Variants in ELMO1 observed in about 807,000 individuals in gnomAD.
The protein encoded by ELMO1 is engulfment and cell motility protein 1.
A neutral mutation model predicts 98.9 loss-of-function variants in ELMO1; 26 were observed. The ratio of observed to expected loss-of-function variants is 0.26; its 90% CI spans 0.19 to 0.36. ELMO1 has a LOEUF of 0.36. Among genes scored for constraint, ELMO1 ranks in the 10% least tolerant of loss-of-function variants. ELMO1 has a pLI of 1.00. For synonymous variants in ELMO1, 346 were observed against 346.0 expected (o/e 1.00, Z 0.00); for missense variants, 627 against 935.2 (o/e 0.67, Z 4.30).
chr7:37,306,989 T>A (rs892936250), intron 4 of ELMO1, among the ~76,000 whole-genome samples: 3 of 152,324 alleles, frequency 2.0e-5, no homozygotes, highest in African/African-American at 7.2e-5. Flanking sequence ...ATTACCCCAA[T>A]GACTGGAATT....
At chr7:37,355,310 G>C (rs1356901747) in intron 1 of ELMO1, among the ~76,000 whole-genome samples, 1 of 152,186 alleles carries the variant, frequency 6.6e-6, no homozygotes, top group Non-Finnish European at 1.5e-5. Context: ...TATCTATAAA[G>C]CAATTAGAGT....
intron 1 of ELMO1, among the ~76,000 whole-genome samples, chr7:37,399,846 C>A (rs544009298): frequency 3.3e-5 from 5 of 152,178 alleles, no homozygotes; most frequent in African/African-American, 1.2e-4. Flanking sequence ...GCTCCACACA[C>A]GGCATAAACC....
At position 37,323,837 on chromosome 7, in the gene ELMO1, C is replaced by T. The variant is rs779392324; in HGVS notation, c.79-7877G>A. Among the ~76,000 whole-genome samples the T allele has an allele frequency of 1.6e-4, 25 of 152,120 alleles. 1 individual carries two copies. Among genetic ancestry groups the T allele is most frequent in the Admixed American group, 1.3e-4 (2 of 15,260 alleles). Reference sequence around the variant, plus strand: ...GTCTTCTAGGTTTAGTCCTGCATAACCCATTATGCGGATCCATGGATCACA... The same window carrying T: ...GTCTTCTAGGTTTAGTCCTGCATAATCCATTATGCGGATCCATGGATCACA... On this transcript the variant is annotated intron_variant, in intron 2 of 21. Coordinates refer to ENST00000310758, the MANE Select transcript of ELMO1 (RefSeq NM_014800.11).
intron 14 of ELMO1, 80 bp from the exon 15 acceptor site, chr7:37,096,807 T>C (rs1039186550): frequency 1.6e-6 from 2 of 1,263,732 alleles, no homozygotes; most frequent in East Asian, 2.3e-5. Flanking sequence ...TTCCAATAGA[T>C]GAATACATAG....
intron 4 of ELMO1, among the ~76,000 whole-genome samples, chr7:37,289,824 T>G (rs1797584307): frequency 6.6e-6 from 1 of 152,018 alleles, no homozygotes; most frequent in Admixed American, 6.6e-5. Context: ...TCTGGAGGAG[T>G]TAGTAGGGAT....
At chr7:37,126,217 G>C (rs563401818) in intron 14 of ELMO1, among the ~76,000 whole-genome samples, 3 of 149,944 alleles carry the variant, frequency 2.0e-5, no homozygotes, top group African/African-American at 7.3e-5. Context: ...TAATGGGTGC[G>C]GCACACCAAC....
rs1802159000 is a variant in ELMO1 at position 36,855,848 on chromosome 7, G to A, written c.1984-97C>T. ...ACAGTGAATACTCATCCCTCAGTAGGCTGTGCGCTAAGGGCTCTGCCTACT... is the reference window on the plus strand; with the variant it reads ...ACAGTGAATACTCATCCCTCAGTAGACTGTGCGCTAAGGGCTCTGCCTACT... On this transcript the variant is annotated intron_variant, in intron 21 of 21. Coordinates refer to ENST00000310758, the MANE Select transcript of ELMO1 (RefSeq NM_014800.11). This position sits in a 1 kb window ranked among gnomAD's most constrained non-coding sequence, Gnocchi z 4.2. 1 of 1,400,118 alleles carries A rather than the reference G, an allele frequency of 7.1e-7. No individual in the cohort carries two copies. The highest frequency in any genetic ancestry group is 1.4e-5 in the African/African-American group (1 of 70,572). 86.7% of individuals were successfully genotyped at this position (1,400,118 alleles called of 1,614,324 possible).
chr7:37,390,017 A>G (rs1169228145), intron 1 of ELMO1, among the ~76,000 whole-genome samples: 1 of 152,152 alleles, frequency 6.6e-6, no homozygotes, highest in Non-Finnish European at 1.5e-5. Flanking sequence ...TCCCCTGAGA[A>G]GTCACCCATG....
intron 4 of ELMO1, among the ~76,000 whole-genome samples, chr7:37,313,904 C>T (rs772818202): frequency 5.3e-5 from 8 of 152,166 alleles, no homozygotes; most frequent in African/African-American, 9.7e-5. Flanking sequence ...GCACTGGCCA[C>T]CTTGTTATAA....
chr7:36,889,692 A>G (rs76580437), intron 17 of ELMO1, among the ~76,000 whole-genome samples: 1,763 of 152,346 alleles, frequency 0.012, 31 homozygotes, highest in East Asian at 0.078. Flanking sequence ...ATCTTAACTG[A>G]TGCTTTATGA....
chr7:37,143,391 C>A (rs930915499), intron 13 of ELMO1, among the ~76,000 whole-genome samples: 1 of 152,130 alleles, frequency 6.6e-6, no homozygotes, highest in African/African-American at 2.4e-5. Flanking sequence ...GCAGAGTGGG[C>A]CTGAGATCCA....
intron 7 of ELMO1, among the ~76,000 whole-genome samples, chr7:37,242,044 T>C (rs1230257970): frequency 6.6e-6 from 1 of 152,190 alleles, no homozygotes; most frequent in Non-Finnish European, 1.5e-5. Flanking sequence ...CATTATTTTC[T>C]TCTGTAATTA....
chr7:37,005,236 T>C (rs1280547291), intron 16 of ELMO1, among the ~76,000 whole-genome samples: 1 of 151,900 alleles, frequency 6.6e-6, no homozygotes, highest in African/African-American at 2.4e-5. Context: ...CTGCCAGGGC[T>C]GTAAATTCAG....
chr7:37,234,684 G>GATC (rs1190132108), intron 7 of ELMO1, among the ~76,000 whole-genome samples: 1 of 152,088 alleles, frequency 6.6e-6, no homozygotes, highest in East Asian at 1.9e-4. Context: ...TGGGGATGAT[G>GATC]ATGATGATGA....
In ELMO1 at chr7:36,855,802, T is replaced by C; in HGVS notation, c.1984-51A>G. 1.9e-6 allele frequency: 3 copies of C among 1,602,680 alleles called. No individual in the cohort carries two copies. Among genetic ancestry groups the C allele is most frequent in the Non-Finnish European group, 2.6e-6 (3 of 1,170,572 alleles). ...TCATTACTGGTGGCAATTACAGAAG[T>C]ATTAATAGTAAAAATAGCTAACAGT... On this transcript the variant is annotated intron_variant, in intron 21 of 21. Transcript: ENST00000310758. This position sits in a 1 kb window ranked among gnomAD's most constrained non-coding sequence, Gnocchi z 4.2.
chr7:37,047,644 C>T (rs1201985973), intron 15 of ELMO1, among the ~76,000 whole-genome samples: 5 of 152,184 alleles, frequency 3.3e-5, no homozygotes, highest in African/African-American at 7.2e-5. Flanking sequence ...TGCCATAAAG[C>T]GTAACCATGG....
At chr7:37,397,605 A>T (rs1306061321) in intron 1 of ELMO1, among the ~76,000 whole-genome samples, 1 of 152,236 alleles carries the variant, frequency 6.6e-6, no homozygotes, top group Non-Finnish European at 1.5e-5. Flanking sequence ...TTCCTCAAAG[A>T]TCTAGAACCA....
chr7:37,151,099 G>C (rs980009686), intron 13 of ELMO1, among the ~76,000 whole-genome samples: 7 of 152,184 alleles, frequency 4.6e-5, no homozygotes, highest in Non-Finnish European at 1.0e-4. Flanking sequence ...ATTTCAAACA[G>C]TGTGGGGAGA....
chr7:37,062,393 G>A (rs759332355), intron 15 of ELMO1, among the ~76,000 whole-genome samples: 6 of 152,128 alleles, frequency 3.9e-5, no homozygotes, highest in Non-Finnish European at 7.4e-5. Context: ...AATTTCTTAC[G>A]TGGATCTCTG....
Sources: gnomAD v4.1 joint callset for allele counts (sites outside exome capture counted in the v4.1 genomes callset) on GRCh38, gnomAD v4.1.1 for gene constraint, Gnocchi (gnomAD v3.1) non-coding constraint, MANE v1.5 for transcripts, NCBI Gene and HGNC (gene_info 2026-07-23, HGNC 2026-07-21) for gene names.